Variants in ZNF469 observed in about 807,000 individuals in gnomAD.
ZNF469 encodes zinc finger protein 469.
A neutral mutation model predicts 1.0 loss-of-function variants in ZNF469; 1 was observed. The ratio of observed to expected loss-of-function variants is 1.00; its 90% CI spans 0.35 to 4.73. ZNF469 has a LOEUF of 4.73. ZNF469 is among the 30% of genes most tolerant of loss of function. The pLI, the probability that ZNF469 is intolerant of heterozygous loss-of-function variation, is 0.16. For synonymous variants in ZNF469, 2,703 were observed against 2,363.4 expected, an observed-to-expected ratio of 1.14 and a Z score of -4.17; for missense variants, 6,100 against 5,356.3, an observed-to-expected ratio of 1.14 and a Z score of -4.33.
the ZNF469 span, among the ~76,000 whole-genome samples, chr16:88,196,719 A>G: frequency 1.3e-5 from 2 of 152,054 alleles, no homozygotes; most frequent in African/African-American, 4.8e-5. Context: ...AGGTGATATC[A>G]CCCCTTCATC....
chr16:88,252,700 G>A, the ZNF469 span, among the ~76,000 whole-genome samples: 6 of 152,196 alleles, frequency 3.9e-5, no homozygotes, highest in Non-Finnish European at 8.8e-5. Context: ...ACACGCATGT[G>A]TATGTGTGTA....
Position 88,437,885 on chromosome 16 carries a change from G to T in ZNF469, c.10415G>T (p.Ser3472Ile). The change falls in exon 3 of 3, where the codon AGC becomes ATC. Residue 3472 changes from serine (S) to isoleucine (I), a missense_variant. Physicochemically the swap from Ser to Ile is moderately radical, Grantham distance 142. Transcript: ENST00000565624. The part of the protein sequence containing the change: ...KARALEGTLP[S>I]KRRRVAMPGS... ...CGGGCCCTCGAGGGCACACTGCCCA[G>T]CAAACGGCGCAGGGTGGCCATGCCC... is the stretch of plus-strand genomic sequence containing the variant. The T allele has an allele frequency of 6.5e-7, 1 of 1,539,912 alleles. No individual in the cohort carries two copies.
the ZNF469 span, chr16:88,234,716 C>T: frequency 2.0e-5 from 3 of 152,278 alleles, no homozygotes; most frequent in African/African-American, 7.2e-5. Flanking sequence ...GTCCCTGAAC[C>T]AAGGGGGCAG....
At chr16:88,313,501 T>C in the ZNF469 span, among the ~76,000 whole-genome samples, 1 of 152,264 alleles carries the variant, frequency 6.6e-6, no homozygotes, top group African/African-American at 2.4e-5. Context: ...GTCTCTGTAA[T>C]TAAGACGATG....
In ZNF469 at chr16:88,438,876, C is replaced by A. The variant is rs141042464; in HGVS notation, c.11406C>A (p.His3802Gln). 4.4e-4 allele frequency: 681 copies of A among 1,550,466 alleles called. 6 individuals carry two copies. In the African/African-American group the frequency reaches 8.2e-3, roughly 19 times the overall value. Residue 3802 changes from histidine (H) to glutamine (Q), a missense_variant, in exon 3 of 3, where the codon CAC (histidine) becomes CAA (glutamine). Coordinates refer to ENST00000565624, the MANE Select transcript of ZNF469 (RefSeq NM_001367624.2). ...GPREAGEQGP[H>Q]GSLGPKEKGE... ...GGGAAGCTGGTGAGCAGGGGCCCCA[C>A]GGGAGCCTAGGTCCCAAGGAGAAGG... is the stretch of plus-strand genomic sequence containing the variant.
chr16:88,112,971 G>T, the ZNF469 span, among the ~76,000 whole-genome samples: 1 of 151,844 alleles, frequency 6.6e-6, no homozygotes, highest in Non-Finnish European at 1.5e-5. Context: ...GTAGAGACGG[G>T]GTTTCACCGT....
chr16:88,215,384 T>C, the ZNF469 span, among the ~76,000 whole-genome samples: 75 of 1,722 alleles, frequency 0.044, 2 homozygotes, highest in Admixed American at 0.11. Context: ...TGCCTTTTAA[T>C]TTTTTTTTTT....
chr16:88,348,059 GC>G, the ZNF469 span, among the ~76,000 whole-genome samples: 1 of 152,248 alleles, frequency 6.6e-6, no homozygotes, highest in Non-Finnish European at 1.5e-5. Context: ...GTCGTGGTGG[GC>G]CAGGGACAGC....
the ZNF469 span, among the ~76,000 whole-genome samples, chr16:88,345,540 G>A: frequency 6.6e-6 from 1 of 152,196 alleles, no homozygotes; most frequent in Admixed American, 6.5e-5. Context: ...ATGTGGGCAC[G>A]TCACTGCCCT....
At position 88,432,730 on chromosome 16, in the gene ZNF469, G is replaced by A. The variant is rs959765303; in HGVS notation, c.5260G>A (p.Glu1754Lys). 4 of 1,550,272 alleles carry A rather than the reference G, an allele frequency of 2.6e-6. No homozygotes were observed. Among genetic ancestry groups the A allele is most frequent in the Middle Eastern group, 1.7e-4 (1 of 6,006 alleles). The change falls in exon 3 of 3, where the codon GAG (glutamate) becomes AAG (lysine). Residue 1754 changes from glutamate (E) to lysine (K), a missense_variant. Physicochemically the swap from Glu to Lys is moderately conservative, Grantham distance 56 (BLOSUM62 1). Transcript: ENST00000565624. ...GGAACTTTCATTTCCTAAGAATAAG[G>A]AGGCCGCCAGCTCACAAGAAAGTGA... ...DQELSFPKNK[E>K]AASSQESEDS...
chr16:88,195,430 C>G, the ZNF469 span, among the ~76,000 whole-genome samples: 35,167 of 152,184 alleles, frequency 0.23, 5,195 homozygotes, highest in Non-Finnish European at 0.34. Context: ...CACTGATAAT[C>G]TGCTCTGAGG....
the ZNF469 span, among the ~76,000 whole-genome samples, chr16:88,301,117 G>A: frequency 3.9e-5 from 6 of 151,948 alleles, no homozygotes; most frequent in South Asian, 2.1e-4. Flanking sequence ...TGCTTTGTAC[G>A]TGAGAGGATG....
At chr16:88,406,013 A>G (rs1394415483) in intron 1 of ZNF469, among the ~76,000 whole-genome samples, 2 of 152,214 alleles carry the variant, frequency 1.3e-5, no homozygotes, top group Non-Finnish European at 2.9e-5. Context: ...AATTAATTAA[A>G]ACCAGCTGAG....
the ZNF469 span, among the ~76,000 whole-genome samples, chr16:88,302,776 G>A: frequency 6.6e-6 from 1 of 152,156 alleles, no homozygotes; most frequent in Non-Finnish European, 1.5e-5. Context: ...TGCTTTCCAG[G>A]AACCTCAGGT....
At chr16:88,137,273 G>T in the ZNF469 span, among the ~76,000 whole-genome samples, 1 of 152,206 alleles carries the variant, frequency 6.6e-6, no homozygotes, top group Non-Finnish European at 1.5e-5. Flanking sequence ...CCATGTGTGT[G>T]TATGACCATG....
the ZNF469 span, among the ~76,000 whole-genome samples, chr16:88,281,425 A>G: frequency 1.3e-5 from 2 of 150,754 alleles, no homozygotes; most frequent in Admixed American, 6.6e-5. Flanking sequence ...ACGCTTGGTC[A>G]GTACCATGCA....
At chr16:88,285,781 C>A in the ZNF469 span, among the ~76,000 whole-genome samples, 1 of 152,246 alleles carries the variant, frequency 6.6e-6, no homozygotes, top group African/African-American at 2.4e-5. Flanking sequence ...CTGGCAGGGG[C>A]CACCATGTTG....
chr16:88,307,539 C>CA, the ZNF469 span, among the ~76,000 whole-genome samples: 5 of 152,190 alleles, frequency 3.3e-5, no homozygotes, highest in Admixed American at 3.3e-4. Context: ...CAGCCAAGCT[C>CA]CTGGGTGTGA....
the ZNF469 span, among the ~76,000 whole-genome samples, chr16:88,249,429 CTTTTTTTTTTT>C: frequency 0.44 from 28,256 of 64,602 alleles, 3,814 homozygotes; most frequent in Middle Eastern, 0.61. Context: ...TTTTCTTTTT[CTTTTTTTTTTT>C]TTTTTTTTTT....
Sources: gnomAD v4.1 joint callset for allele counts (sites outside exome capture counted in the v4.1 genomes callset) on GRCh38, gnomAD v4.1.1 for gene constraint, MANE v1.5 for transcripts, NCBI Gene and HGNC (gene_info 2026-07-23, HGNC 2026-07-21) for gene names.